ARMC3: variants seen among roughly 807,000 people sequenced by gnomAD.
ARMC3 encodes the protein armadillo repeat-containing protein 3.
A neutral mutation model predicts 90.3 loss-of-function variants in ARMC3; 74 were observed. The ratio of observed to expected loss-of-function variants is 0.82; its 90% confidence interval spans 0.68 to 0.99. The LOEUF (loss-of-function observed/expected upper bound fraction) is 0.99. Ranked by LOEUF, ARMC3 falls within the 50% of genes least tolerant of loss-of-function variation. The probability of loss-of-function intolerance (pLI) is 0.00; values close to 1 mark genes in which losing one functional copy is unlikely to be tolerated. For synonymous variants in ARMC3, 334 were observed against 361.8 expected, an observed-to-expected ratio of 0.92 and a Z score of 0.87; for missense variants, 958 against 1,042.8, an observed-to-expected ratio of 0.92 and a Z score of 1.12.
At chr10:23,030,272 C>A (rs1588942584) in intron 16 of ARMC3, among the ~76,000 whole-genome samples, 1 of 152,124 alleles carries the variant, frequency 6.6e-6, no homozygotes, top group East Asian at 1.9e-4. Flanking sequence ...ATACCAAAAT[C>A]CATGCATACT....
chr10:22,955,170 C>T (rs1236912861), intron 3 of ARMC3: 4 of 152,232 alleles, frequency 2.6e-5, no homozygotes, highest in Non-Finnish European at 5.9e-5. Flanking sequence ...GATTCAAATG[C>T]TAATCTCTTC....
rs1376288226 is a variant in ARMC3, at chr10:23,006,919, G to A, written c.1767G>A (p.Glu589=). ...GCACCAAACTGTTGCCTTTGAAGGA[G>A]CTCTGCTTACAAGAACCAAGTGACC... The part of the protein sequence containing the change: ...NPGTKLLPLK[E]LCLQEPSDLR... Residue 589 remains glutamate, a synonymous_variant, in exon 14 of 19, where the codon GAG becomes GAA. Coordinates refer to ENST00000298032, the MANE Select transcript of ARMC3 (RefSeq NM_173081.5). 1.2e-6 allele frequency: 2 copies of A among 1,613,994 alleles called. No homozygotes were observed. Among genetic ancestry groups the A allele is most frequent in the South Asian group, 2.2e-5 (2 of 91,062 alleles).
chr10:22,980,478 A>G (rs1429152208), intron 8 of ARMC3, among the ~76,000 whole-genome samples: 1 of 152,046 alleles, frequency 6.6e-6, no homozygotes, highest in African/African-American at 2.4e-5. Context: ...ATACTTTAAT[A>G]AAGAGGAACT....
chr10:23,018,493 T>C (rs541650289), intron 16 of ARMC3, among the ~76,000 whole-genome samples: 1 of 151,710 alleles, frequency 6.6e-6, no homozygotes, highest in East Asian at 1.9e-4. Flanking sequence ...TGGTATCATT[T>C]ATTAGACTTG....
chr10:22,990,972 C>A (rs755983117), intron 10 of ARMC3, among the ~76,000 whole-genome samples: 6 of 151,718 alleles, frequency 4.0e-5, no homozygotes, highest in Non-Finnish European at 7.4e-5. Context: ...CCCTTCTCCC[C>A]CTCTCTGCTT....
intron 17 of ARMC3, among the ~76,000 whole-genome samples, chr10:23,031,848 G>A (rs1838934848): frequency 6.6e-6 from 1 of 152,028 alleles, no homozygotes; most frequent in East Asian, 1.9e-4. Flanking sequence ...TGGTGGAACT[G>A]CAGTCAGTTC....
At chr10:22,999,850 G>A (rs989797711) in intron 11 of ARMC3, among the ~76,000 whole-genome samples, 6 of 151,996 alleles carry the variant, frequency 3.9e-5, no homozygotes, top group Non-Finnish European at 8.8e-5. Flanking sequence ...CACTTCATTT[G>A]TGCTCACCCA....
intron 11 of ARMC3, among the ~76,000 whole-genome samples, chr10:22,999,283 C>T (rs1373759768): frequency 6.6e-6 from 1 of 152,166 alleles, no homozygotes; most frequent in East Asian, 1.9e-4. Flanking sequence ...TGCAGTGGCT[C>T]ACACTTGTTA....
Position 23,005,794 on chromosome 10 carries a change from G to A in ARMC3, c.1732-1090G>A, listed in dbSNP as rs191944235. On this transcript the variant is annotated intron_variant, in intron 13 of 18. Coordinates refer to ENST00000298032, the MANE Select transcript of ARMC3 (RefSeq NM_173081.5). ...CAGGAGAATCACTTGAACCTGGGAG[G>A]CAGAGGTTGTAGTGAGCCGAGATGG... Among the ~76,000 whole-genome samples the A allele has an allele frequency of 5.9e-5, 9 of 152,200 alleles. No individual in the cohort carries two copies. The East Asian group carries it at 1.5e-3, about 26-fold the overall frequency.
At chr10:22,950,282 A>G (rs1049359259) in intron 3 of ARMC3, among the ~76,000 whole-genome samples, 2 of 152,132 alleles carry the variant, frequency 1.3e-5, no homozygotes, top group African/African-American at 4.8e-5. Context: ...AAAAATAATC[A>G]TATATTGTGC....
At chr10:22,970,338 A>C (rs1835627416) in intron 8 of ARMC3, among the ~76,000 whole-genome samples, 1 of 152,210 alleles carries the variant, frequency 6.6e-6, no homozygotes, top group Non-Finnish European at 1.5e-5. Context: ...TCCAGAACCG[A>C]AAGTTTTCAG....
In ARMC3 at chr10:23,035,776, C is replaced by A. The variant is rs117397848; in HGVS notation, c.2410-1494C>A. Among the ~76,000 whole-genome samples the A allele has an allele frequency of 7.6e-3, 1,151 of 152,226 alleles. 5 individuals are homozygous for A. The highest frequency in any genetic ancestry group is 0.011 in the Non-Finnish European group (764 of 68,016). On this transcript the variant is annotated intron_variant, in intron 18 of 18. Transcript: ENST00000298032. ...CTACAGGCCACTCCTCTATAGGCCA[C>A]CCTTTCCCAGCTCCTAGTGGCAGGC...
intron 15 of ARMC3, 140 bp downstream of exon 15, chr10:23,008,514 T>G (rs561365100): frequency 1.6e-6 from 1 of 644,154 alleles, no homozygotes; most frequent in East Asian, 2.8e-5. Flanking sequence ...CCTTTTACAT[T>G]GCTATGGGAA....
At chr10:22,965,644 G>A (rs1417360118) in intron 7 of ARMC3, among the ~76,000 whole-genome samples, 3 of 151,836 alleles carry the variant, frequency 2.0e-5, no homozygotes, top group South Asian at 2.1e-4. Context: ...CTCTCCCTCC[G>A]GAACCCAATT....
intron 13 of ARMC3, 197 bp from the exon 14 acceptor site, chr10:23,006,687 C>T (rs1281839721): frequency 5.7e-6 from 3 of 528,976 alleles, no homozygotes; most frequent in South Asian, 4.1e-5. Flanking sequence ...GGAACTGGAT[C>T]TGTCCTGCCC....
intron 16 of ARMC3, chr10:23,014,185 T>C (rs1380059764): frequency 6.5e-7 from 1 of 1,548,704 alleles, no homozygotes; most frequent in African/African-American, 1.4e-5. Context: ...AGACTTTGGA[T>C]TCAGACACAA....
chr10:22,958,239 AC>A (rs1166170488), intron 4 of ARMC3, among the ~76,000 whole-genome samples: 19 of 152,218 alleles, frequency 1.2e-4, no homozygotes, highest in Admixed American at 1.2e-3. Context: ...AATTAGGCTG[AC>A]AAAAATAGTA....
chr10:22,971,316 G>C (rs1045099873), intron 8 of ARMC3, among the ~76,000 whole-genome samples: 1 of 151,948 alleles, frequency 6.6e-6, no homozygotes, highest in African/African-American at 2.4e-5. Flanking sequence ...TCTGCCTTTT[G>C]GTTAATGTGA....
At chr10:22,999,754 C>A (rs1701702396) in intron 11 of ARMC3, among the ~76,000 whole-genome samples, 1 of 152,214 alleles carries the variant, frequency 6.6e-6, no homozygotes, top group Non-Finnish European at 1.5e-5. Context: ...TGCTTGGGCC[C>A]ATGCTGTCTG....
Sources: allele counts gnomAD v4.1 joint callset (sites outside exome capture counted in the v4.1 genomes callset), GRCh38; gene constraint gnomAD v4.1.1; transcripts MANE v1.5; gene names NCBI Gene and HGNC (gene_info 2026-07-23, HGNC 2026-07-21).